The following SGCD variants were observed in gnomAD, a reference collection of about 807,000 sequenced individuals.
SGCD encodes the protein delta-sarcoglycan.
A neutral mutation model predicts 36.6 loss-of-function variants in SGCD; 18 were observed. The observed-to-expected ratio is 0.49, with a 90% CI of 0.34 to 0.73. The LOEUF (loss-of-function observed/expected upper bound fraction) is 0.73, where lower values mean the gene tolerates loss of function less well. Among genes scored for constraint, SGCD ranks in the 30% least tolerant of loss-of-function variants. SGCD has a pLI of 0.01. For synonymous variants in SGCD, 133 were observed against 130.6 expected (o/e 1.02, Z -0.12); for missense variants, 387 against 346.7 (o/e 1.12, Z -0.92).
At chr5:156,045,168 G>A (rs1220306015) in intron 1 of SGCD, among the ~76,000 whole-genome samples, 1 of 152,114 alleles carries the variant, frequency 6.6e-6, no homozygotes, top group African/African-American at 2.4e-5. Flanking sequence ...CCATTCCTGA[G>A]GACAGAGCCC....
At chr5:155,825,049 A>G in the SGCD span, among the ~76,000 whole-genome samples, 1 of 152,278 alleles carries the variant, frequency 6.6e-6, no homozygotes, top group Admixed American at 6.5e-5. Context: ...CATAGTGCCA[A>G]ACTATCATTT....
rs534269346 is a variant in SGCD, at chr5:156,404,188, A to G, written c.192+59511A>G. ...TCAGAATTGAGCACGAATATTCTTA[A>G]GAATGTTGTTCCCATTCCCTTCATC... is the stretch of plus-strand genomic sequence containing the variant. On this transcript the variant is annotated intron_variant, in intron 3 of 8. Transcript: ENST00000337851. Among the ~76,000 whole-genome samples, 10 of 152,328 alleles carry G rather than the reference A, an allele frequency of 6.6e-5. No homozygotes were observed. In the South Asian group the frequency reaches 1.0e-3, roughly 16 times the overall value.
chr5:156,309,430 A>T (rs569503697), intron 3 of SGCD, among the ~76,000 whole-genome samples: 1 of 151,770 alleles, frequency 6.6e-6, no homozygotes, highest in African/African-American at 2.4e-5. Flanking sequence ...TGCTTGCTTA[A>T]ATCTGCGTTT....
At chr5:156,657,248 A>G (rs1481548687) in intron 7 of SGCD, among the ~76,000 whole-genome samples, 1 of 149,042 alleles carries the variant, frequency 6.7e-6, no homozygotes, top group Non-Finnish European at 1.5e-5. Flanking sequence ...CTTTTATTTT[A>G]TTTTATTATT....
intron 1 of SGCD, among the ~76,000 whole-genome samples, chr5:156,070,548 G>A (rs541207071): frequency 0.048 from 7,068 of 147,614 alleles, 616 homozygotes; most frequent in African/African-American, 0.17. Flanking sequence ...TTTTATTGAG[G>A]ATTTTTGCAT....
At chr5:156,703,883 ATGT>A (rs1366304851) in intron 7 of SGCD, among the ~76,000 whole-genome samples, 2 of 152,104 alleles carry the variant, frequency 1.3e-5, no homozygotes, top group Non-Finnish European at 2.9e-5. Context: ...TCAGTGTGTA[ATGT>A]TGTGGTACCC....
chr5:156,570,508 C>T lies in SGCD; in HGVS notation c.295-18723C>T, dbSNP rs17559950. On this transcript the variant is annotated intron_variant, in intron 4 of 8. Coordinates refer to ENST00000337851, the MANE Select transcript of SGCD (RefSeq NM_000337.6). The stretch of plus-strand genomic sequence containing the variant: ...GTGTTTTAAGCTACATTGATAGATA[C>T]ATACCTAGTCATGATTTATAGCTTC... Among the ~76,000 whole-genome samples, 4 of 152,116 alleles carry T rather than the reference C, an allele frequency of 2.6e-5. No individual in the cohort carries two copies. In the Middle Eastern group the frequency reaches 0.014, roughly 517 times the overall value.
chr5:156,102,138 T>C (rs1467714074), intron 1 of SGCD, among the ~76,000 whole-genome samples: 1 of 152,060 alleles, frequency 6.6e-6, no homozygotes, highest in African/African-American at 2.4e-5. Context: ...GAAATAAGAA[T>C]GTTTCTGATT....
intron 4 of SGCD, among the ~76,000 whole-genome samples, chr5:156,559,774 C>A (rs1335731042): frequency 6.6e-6 from 1 of 152,194 alleles, no homozygotes; most frequent in Non-Finnish European, 1.5e-5. Context: ...AGTCACTAAT[C>A]TTTAGTCTGT....
intron 3 of SGCD, among the ~76,000 whole-genome samples, chr5:156,155,026 T>C (rs1018344843): frequency 6.6e-5 from 10 of 151,672 alleles, no homozygotes; most frequent in Non-Finnish European, 7.3e-5. Context: ...ATTTTAAGCA[T>C]GCAGGAAAGG....
chr5:156,542,035 A>G (rs2113153252), intron 4 of SGCD, among the ~76,000 whole-genome samples: 1 of 152,280 alleles, frequency 6.6e-6, no homozygotes, highest in African/African-American at 2.4e-5. Flanking sequence ...CACTGCAAAC[A>G]TTTGACTTTC....
chr5:156,448,341 A>G (rs1753836040), intron 3 of SGCD, among the ~76,000 whole-genome samples: 1 of 152,196 alleles, frequency 6.6e-6, no homozygotes, highest in Non-Finnish European at 1.5e-5. Flanking sequence ...AGTCTGCACA[A>G]GGTAAAATGA....
intron 3 of SGCD, among the ~76,000 whole-genome samples, chr5:156,416,439 C>A (rs1024583141): frequency 2.0e-5 from 3 of 151,880 alleles, no homozygotes; most frequent in African/African-American, 7.3e-5. Flanking sequence ...GATGGGTGCA[C>A]CAAAATCTCA....
At chr5:156,243,562 T>C (rs185955199) in intron 3 of SGCD, among the ~76,000 whole-genome samples, 26 of 152,286 alleles carry the variant, frequency 1.7e-4, no homozygotes, top group African/African-American at 6.3e-4. Context: ...ATGTAGAATA[T>C]ATAAAATACA....
intron 3 of SGCD, among the ~76,000 whole-genome samples, chr5:156,195,562 A>C (rs73811538): frequency 0.053 from 8,042 of 152,206 alleles, 495 homozygotes; most frequent in African/African-American, 0.15. Flanking sequence ...ATCCCTCACT[A>C]TCCAGTAATA....
intron 1 of SGCD, among the ~76,000 whole-genome samples, chr5:155,988,854 A>G (rs1232211905): frequency 2.0e-5 from 3 of 152,206 alleles, no homozygotes; most frequent in Admixed American, 2.0e-4. Context: ...CACTGGAAAC[A>G]TTCAGTAAGT....
intron 3 of SGCD, among the ~76,000 whole-genome samples, chr5:156,416,502 A>G (rs1228304180): frequency 2.0e-5 from 3 of 152,340 alleles, no homozygotes; most frequent in African/African-American, 7.2e-5. Flanking sequence ...CTGTTCCCCA[A>G]AACACTACTG....
At chr5:156,620,084 T>C (rs972607786) in intron 6 of SGCD, among the ~76,000 whole-genome samples, 20 of 152,168 alleles carry the variant, frequency 1.3e-4, no homozygotes, top group Non-Finnish European at 2.9e-4. Context: ...TAAGTGAGTA[T>C]GGGGTGTGGG....
chr5:155,871,734 A>G (rs999273707), intron 1 of SGCD, among the ~76,000 whole-genome samples: 2 of 152,200 alleles, frequency 1.3e-5, no homozygotes, highest in Admixed American at 1.3e-4. Context: ...TTATGATGGA[A>G]AATTCCCATC....
Sources: allele counts gnomAD v4.1 joint callset (sites outside exome capture counted in the v4.1 genomes callset), GRCh38; gene constraint gnomAD v4.1.1; transcripts MANE v1.5; gene names NCBI Gene and HGNC (gene_info 2026-07-23, HGNC 2026-07-21).